STEAP4: variants seen among roughly 807,000 people sequenced by gnomAD.
STEAP4 encodes STEAP4 metalloreductase.
A neutral mutation model predicts 43.6 loss-of-function variants in STEAP4; 36 were observed. That is an observed-to-expected ratio of 0.83 (90% CI 0.63 to 1.09). The LOEUF (loss-of-function observed/expected upper bound fraction) is 1.09. Ranked by LOEUF, STEAP4 falls within the 50% of genes least tolerant of loss-of-function variation. STEAP4 has a pLI of 0.00. For synonymous variants in STEAP4, 191 were observed against 196.7 expected (o/e 0.97, Z 0.24); for missense variants, 495 against 546.5 (o/e 0.91, Z 0.94).
rs1852432199 is a variant in STEAP4, at chr7:88,270,972, T to C, written c.*8426A>G. On this transcript the variant is annotated 3_prime_UTR_variant, in exon 5 of 5. Transcript: ENST00000380079. ...CATATTTATGGGGTACATAGTGACA[T>C]TGCAATACACAAAATATACAGTGAT... 1 of 152,266 alleles carries C rather than the reference T, an allele frequency of 6.6e-6. No individual in the cohort carries two copies. Among genetic ancestry groups the C allele is most frequent in the Non-Finnish European group, 1.5e-5 (1 of 67,986 alleles). The allele number at this position is 152,266 out of a possible 1,614,324, so 9.4% of individuals were successfully genotyped here.
At chr7:88,290,910 T>C (rs1356939821) in intron 1 of STEAP4, 2 of 152,158 alleles carry the variant, frequency 1.3e-5, no homozygotes, top group Non-Finnish European at 2.9e-5. Flanking sequence ...ATTAAATTCT[T>C]CTTACCAACT....
At chr7:88,288,735 T>C (rs1022554803) in intron 1 of STEAP4, among the ~76,000 whole-genome samples, 4 of 151,924 alleles carry the variant, frequency 2.6e-5, no homozygotes, top group Admixed American at 6.6e-5. Flanking sequence ...CATTAGAAAA[T>C]TGGGCAAAGA....
chr7:88,293,402 T>C (rs1852872404), intron 1 of STEAP4, among the ~76,000 whole-genome samples: 1 of 138,456 alleles, frequency 7.2e-6, no homozygotes, highest in South Asian at 2.6e-4. Flanking sequence ...TGCCAGCCTA[T>C]AGCTTGTTTT....
chr7:88,282,126 A>AAAGTATCAT (rs1317511270), intron 3 of STEAP4: 1 of 153,178 alleles, frequency 6.5e-6, no homozygotes, highest in Non-Finnish European at 1.4e-5. Flanking sequence ...GCGAACCTGG[A>AAAGTATCAT]AAGTATCATT....
Position 88,282,816 on chromosome 7 carries a change from A to C in STEAP4, c.809T>G (p.Leu270Arg). 6.2e-7 allele frequency: 1 copy of C among 1,614,218 alleles called. No individual in the cohort carries two copies. Among genetic ancestry groups the C allele is most frequent in the Non-Finnish European group, 8.5e-7 (1 of 1,180,038 alleles). Residue 270 changes from leucine (L) to arginine (R), a missense_variant, in exon 3 of 5, where the codon CTG (leucine) becomes CGG (arginine). Coordinates refer to ENST00000380079, the MANE Select transcript of STEAP4 (RefSeq NM_024636.4). The part of the protein sequence containing the change: ...LPGVIAAILQ[L>R]YRGTKYRRFP... ...TCGACGGTATTTTGTGCCTCGGTAC[A>C]GTTGTAGAATGGCAGCAATAACACC...
intron 1 of STEAP4, among the ~76,000 whole-genome samples, chr7:88,297,810 C>T: frequency 6.6e-6 from 1 of 152,088 alleles, no homozygotes; most frequent in East Asian, 1.9e-4. Context: ...GATGGGGTTA[C>T]ATCCCAATAA....
At chr7:88,291,252 C>T (rs367576712) in intron 1 of STEAP4, among the ~76,000 whole-genome samples, 4 of 151,882 alleles carry the variant, frequency 2.6e-5, no homozygotes, top group South Asian at 4.2e-4. Context: ...TATAAAATGG[C>T]GTTTGAGGAT....
At chr7:88,291,486 C>G (rs1364673413) in intron 1 of STEAP4, among the ~76,000 whole-genome samples, 1 of 130,148 alleles carries the variant, frequency 7.7e-6, no homozygotes, top group Non-Finnish European at 1.6e-5. Flanking sequence ...GACTCCATCT[C>G]AAAAAGAAAA....
At chr7:88,306,226 G>T (rs1181580080) in intron 1 of STEAP4, among the ~76,000 whole-genome samples, 1 of 152,176 alleles carries the variant, frequency 6.6e-6, no homozygotes, top group Non-Finnish European at 1.5e-5. Context: ...GTGGGAAAAA[G>T]AATAATAAAA....
chr7:88,296,680 G>A (rs1369815727), intron 1 of STEAP4, among the ~76,000 whole-genome samples: 1 of 151,730 alleles, frequency 6.6e-6, no homozygotes, highest in Non-Finnish European at 1.5e-5. Flanking sequence ...ATATATCCCA[G>A]GGACAATTAG....
chr7:88,285,248 T>G (rs1352586287), intron 1 of STEAP4, among the ~76,000 whole-genome samples: 1 of 152,116 alleles, frequency 6.6e-6, no homozygotes, highest in Non-Finnish European at 1.5e-5. Context: ...TACTTATAGC[T>G]GCAACAAAAT....
intron 1 of STEAP4, among the ~76,000 whole-genome samples, chr7:88,301,440 C>A (rs1483462840): frequency 6.6e-6 from 1 of 152,090 alleles, no homozygotes; most frequent in Non-Finnish European, 1.5e-5. Flanking sequence ...ACCTAGCTAA[C>A]GTTTTAATTT....
chr7:88,289,063 T>C (rs577219889), intron 1 of STEAP4, among the ~76,000 whole-genome samples: 73 of 148,408 alleles, frequency 4.9e-4, no homozygotes, highest in South Asian at 2.8e-3. Flanking sequence ...TGCATGCGCG[T>C]GTGTGTGTGT....
At chr7:88,294,420 A>G (rs2116001842) in intron 1 of STEAP4, among the ~76,000 whole-genome samples, 1 of 152,308 alleles carries the variant, frequency 6.6e-6, no homozygotes, top group Middle Eastern at 3.4e-3. Context: ...TCTGAAATCC[A>G]AAACATTTCT....
At chr7:88,291,576 G>C (rs1235159975) in intron 1 of STEAP4, among the ~76,000 whole-genome samples, 1 of 151,882 alleles carries the variant, frequency 6.6e-6, no homozygotes, top group Admixed American at 6.6e-5. Context: ...TTTTGCATTA[G>C]GTACTATCTA....
At chr7:88,286,903 C>A (rs1028356614) in intron 1 of STEAP4, among the ~76,000 whole-genome samples, 20 of 152,238 alleles carry the variant, frequency 1.3e-4, no homozygotes, top group African/African-American at 4.8e-4. Flanking sequence ...TCCTTAGTCT[C>A]CATCCAATTA....
intron 1 of STEAP4, among the ~76,000 whole-genome samples, chr7:88,302,285 C>T (rs903838248): frequency 1.3e-5 from 2 of 152,172 alleles, no homozygotes; most frequent in African/African-American, 2.4e-5. Flanking sequence ...AAGTGAGAAA[C>T]GAGATGGACC....
In STEAP4 at chr7:88,275,438, T is replaced by G. The variant is rs1852499162; in HGVS notation, c.*3960A>C. 1 of 152,250 alleles carries G rather than the reference T, an allele frequency of 6.6e-6. No homozygotes were observed. The highest frequency in any genetic ancestry group is 2.1e-4 in the South Asian group (1 of 4,830). The allele number at this position is 152,250 out of a possible 1,614,324, so 9.4% of individuals were successfully genotyped here. The stretch of plus-strand genomic sequence containing the variant: ...AGCCTCTATTGAAGATGGAGTCACC[T>G]GGTCCAAATGCTTCTGATACATTGA... On this transcript the variant is annotated 3_prime_UTR_variant, in exon 5 of 5. Coordinates refer to ENST00000380079, the MANE Select transcript of STEAP4 (RefSeq NM_024636.4).
Position 88,277,882 on chromosome 7 carries a change from A to T in STEAP4, c.*1516T>A, listed in dbSNP as rs750129944. On this transcript the variant is annotated 3_prime_UTR_variant, in exon 5 of 5. Transcript: ENST00000380079. ...CAAAAAAATAAAAAAGAAAAAAATA[A>T]TAAAAAGGAAAACAAAGCCTTTAGA... The T allele has an allele frequency of 1.3e-5, 2 of 152,082 alleles. No homozygotes were observed. The highest frequency in any genetic ancestry group is 2.9e-5 in the Non-Finnish European group (2 of 67,998). 9.4% of individuals were successfully genotyped at this position (152,082 alleles called of 1,614,324 possible).
Sources: gnomAD v4.1 joint callset for allele counts (sites outside exome capture counted in the v4.1 genomes callset) on GRCh38, gnomAD v4.1.1 for gene constraint, MANE v1.5 for transcripts, NCBI Gene and HGNC (gene_info 2026-07-23, HGNC 2026-07-21) for gene names.